Variants in VEZT observed in about 807,000 individuals in gnomAD.
VEZT encodes vezatin.
In VEZT, 39 loss-of-function variants were observed where a neutral mutation model predicts 79.9. That is an observed-to-expected ratio of 0.49 (90% CI 0.38 to 0.64). The LOEUF (loss-of-function observed/expected upper bound fraction) is 0.64. Among genes scored for constraint, VEZT ranks in the 30% least tolerant of loss-of-function variants. The pLI, the probability that VEZT is intolerant of heterozygous loss-of-function variation, is 0.00. For synonymous variants in VEZT, 325 were observed against 327.6 expected (o/e 0.99, Z 0.09); for missense variants, 837 against 893.1 (o/e 0.94, Z 0.80).
chr12:95,275,910 TAA>T (rs1566221904), intron 7 of VEZT: 1 of 152,014 alleles, frequency 6.6e-6, no homozygotes, highest in Non-Finnish European at 1.5e-5. Flanking sequence ...AAATGGCCAA[TAA>T]ATATGATAAA....
At chr12:95,257,845 T>G (rs1244446734) in intron 3 of VEZT, among the ~76,000 whole-genome samples, 1 of 151,862 alleles carries the variant, frequency 6.6e-6, no homozygotes. Context: ...TTCCTGTAAA[T>G]TAACATTTGT....
At chr12:95,298,560 G>A (rs566832775) in intron 11 of VEZT, among the ~76,000 whole-genome samples, 8 of 152,266 alleles carry the variant, frequency 5.3e-5, no homozygotes, top group African/African-American at 1.9e-4. Flanking sequence ...CATTCAACAA[G>A]TAGTTATTAG....
intron 3 of VEZT, among the ~76,000 whole-genome samples, chr12:95,257,590 C>T (rs989101866): frequency 6.6e-6 from 1 of 152,198 alleles, no homozygotes; most frequent in African/African-American, 2.4e-5. Flanking sequence ...TTCCCAAAGA[C>T]TCGAAACAGT....
intron 1 of VEZT, among the ~76,000 whole-genome samples, chr12:95,230,008 C>T (rs953422007): frequency 2.0e-5 from 3 of 149,608 alleles, no homozygotes; most frequent in South Asian, 2.1e-4. Context: ...GGGAGGCTGA[C>T]GTAGGAGAAT....
intron 1 of VEZT, among the ~76,000 whole-genome samples, chr12:95,246,154 G>T (rs983917125): frequency 6.6e-6 from 1 of 150,702 alleles, no homozygotes; most frequent in East Asian, 2.0e-4. Context: ...ACGGAGTCTC[G>T]CTCTGTTGCC....
intron 1 of VEZT, among the ~76,000 whole-genome samples, chr12:95,247,224 CTA>C (rs967223544): frequency 1.1e-4 from 17 of 152,286 alleles, no homozygotes; most frequent in African/African-American, 3.4e-4. Flanking sequence ...CTATTTGAAA[CTA>C]TTACTTGTTT....
At chr12:95,280,911 G>C (rs986798919) in intron 7 of VEZT, among the ~76,000 whole-genome samples, 1 of 151,588 alleles carries the variant, frequency 6.6e-6, no homozygotes, top group Non-Finnish European at 1.5e-5. Flanking sequence ...GTAGCAACTA[G>C]GAAATTAGGC....
chr12:95,237,959 A>G (rs2060415897), intron 1 of VEZT, among the ~76,000 whole-genome samples: 1 of 152,222 alleles, frequency 6.6e-6, no homozygotes, highest in Non-Finnish European at 1.5e-5. Flanking sequence ...AGCTTCTATG[A>G]AACTTAAAGC....
intron 1 of VEZT, among the ~76,000 whole-genome samples, chr12:95,224,592 A>G (rs2058140688): frequency 6.6e-6 from 1 of 152,032 alleles, no homozygotes; most frequent in Non-Finnish European, 1.5e-5. Context: ...TACCCCTATT[A>G]CCACTTTCAT....
chr12:95,280,395 T>C (rs2068742365), intron 7 of VEZT, among the ~76,000 whole-genome samples: 1 of 151,888 alleles, frequency 6.6e-6, no homozygotes, highest in South Asian at 2.1e-4. Flanking sequence ...GTGACACTTT[T>C]AGAGACCTCC....
intron 1 of VEZT, among the ~76,000 whole-genome samples, chr12:95,235,347 TC>T: frequency 8.0e-6 from 1 of 125,472 alleles, no homozygotes; most frequent in South Asian, 2.9e-4. Context: ...GCTCCTCACT[TC>T]CCAGTAGGGG....
chr12:95,230,430 T>TC (rs1326643039), intron 1 of VEZT, among the ~76,000 whole-genome samples: 1 of 151,458 alleles, frequency 6.6e-6, no homozygotes, highest in Admixed American at 6.6e-5. Flanking sequence ...TTTCTTTTTT[T>TC]TTTTTGAGAC....
At chr12:95,270,765 C>A (rs531667484) in intron 6 of VEZT, among the ~76,000 whole-genome samples, 1 of 152,252 alleles carries the variant, frequency 6.6e-6, no homozygotes, top group Non-Finnish European at 1.5e-5. Flanking sequence ...GATCAGACAT[C>A]ATCTAGCATA....
At chr12:95,255,116 A>G (rs1371996070) in intron 2 of VEZT, among the ~76,000 whole-genome samples, 1 of 152,082 alleles carries the variant, frequency 6.6e-6, no homozygotes. Context: ...CAAAGCTCAG[A>G]TTCAACTTGT....
chr12:95,225,761 CAAAAAAAAAAAAAAA>C (rs531470163), intron 1 of VEZT, among the ~76,000 whole-genome samples: 509 of 40,864 alleles, frequency 0.012, 5 homozygotes, highest in African/African-American at 0.031. Context: ...TGTTTCATAG[CAAAAAAAAAAAAAAA>C]AAAAAAAAAA....
intron 8 of VEZT, among the ~76,000 whole-genome samples, chr12:95,286,050 TGGCATGATCTCGGCTCA>T (rs1452302660): frequency 7.4e-6 from 1 of 135,306 alleles, no homozygotes; most frequent in Non-Finnish European, 1.5e-5. Context: ...TGGAGTGCAG[TGGCATGATCTCGGCTCA>T]CTGCAACCTC....
At chr12:95,295,116 A>G (rs2073850489) in intron 10 of VEZT, among the ~76,000 whole-genome samples, 1 of 152,220 alleles carries the variant, frequency 6.6e-6, no homozygotes, top group Non-Finnish European at 1.5e-5. Flanking sequence ...TGCTACTTCA[A>G]GAAACATATC....
intron 1 of VEZT, among the ~76,000 whole-genome samples, chr12:95,236,392 C>G (rs577585100): frequency 4.6e-5 from 7 of 152,104 alleles, no homozygotes; most frequent in South Asian, 2.1e-4. Flanking sequence ...AGCTTCGGCT[C>G]GGCATCAGAG....
chr12:95,238,833 T>G (rs2060515782), intron 1 of VEZT, among the ~76,000 whole-genome samples: 1 of 152,228 alleles, frequency 6.6e-6, no homozygotes, highest in Non-Finnish European at 1.5e-5. Context: ...AATGTTTTCA[T>G]TTTTTATACT....
Sources: gnomAD v4.1 joint callset for allele counts (sites outside exome capture counted in the v4.1 genomes callset) on GRCh38, gnomAD v4.1.1 for gene constraint, MANE v1.5 for transcripts, NCBI Gene and HGNC (gene_info 2026-07-23, HGNC 2026-07-21) for gene names.